TLL2: variants seen among roughly 807,000 people sequenced by gnomAD.
TLL2 encodes the protein tolloid-like protein 2.
In TLL2, 106 loss-of-function variants were observed where a neutral mutation model predicts 123.0. The ratio of observed to expected loss-of-function variants is 0.86; its 90% CI spans 0.74 to 1.01. The LOEUF is 1.01. Ranked by LOEUF, TLL2 falls within the 50% of genes least tolerant of loss-of-function variation. The probability of loss-of-function intolerance (pLI) is 0.00; values close to 1 mark genes in which losing one functional copy is unlikely to be tolerated. For synonymous variants in TLL2, 494 were observed against 516.8 expected (o/e 0.96, Z 0.60); for missense variants, 1,332 against 1,336.7 (o/e 1.00, Z 0.06).
Position 96,421,064 on chromosome 10 carries a change from G to A in TLL2, c.818-3C>T. 9.3e-6 allele frequency: 15 copies of A among 1,611,914 alleles called. No homozygotes were observed. The highest frequency in any genetic ancestry group is 1.3e-5 in the Non-Finnish European group (15 of 1,178,132). ...TTTTAAGAAATTATACTCCTGACCT[G>A]TGACACAACACTGTGTTAAGCCCTT... On this transcript the variant is annotated splice_region_variant and splice_polypyrimidine_tract_variant and intron_variant, in intron 6 of 20. Coordinates refer to ENST00000357947, the MANE Select transcript of TLL2 (RefSeq NM_012465.4).
intron 10 of TLL2, 27 bp from the exon 11 acceptor site, chr10:96,397,329 G>T (rs527332633): frequency 2.0e-5 from 32 of 1,579,574 alleles, no homozygotes; most frequent in Non-Finnish European, 2.7e-5. Context: ...GAAGCAGTTA[G>T]GAGCCCTGGG....
chr10:96,381,842 G>C lies in TLL2; in HGVS notation c.2194+2745C>G, dbSNP rs528714754. Among the ~76,000 whole-genome samples the C allele has an allele frequency of 6.6e-5, 10 of 151,934 alleles. No individual in the cohort carries two copies. The East Asian group carries it at 1.7e-3, about 26-fold the overall frequency. ...ACAAAAAACATGACTTGCTCAGTGA[G>C]AGACTGCCAAAAAAAAAATGCATGG... is the stretch of plus-strand genomic sequence containing the variant. On this transcript the variant is annotated intron_variant, in intron 16 of 20. Transcript: ENST00000357947.
chr10:96,449,959 C>T (rs2134089050), intron 2 of TLL2, among the ~76,000 whole-genome samples: 1 of 152,276 alleles, frequency 6.6e-6, no homozygotes, highest in Non-Finnish European at 1.5e-5. Flanking sequence ...GCCTTATTCA[C>T]CACCCTCTCC....
intron 2 of TLL2, among the ~76,000 whole-genome samples, chr10:96,470,061 A>G (rs983599350): frequency 6.6e-6 from 1 of 152,100 alleles, no homozygotes; most frequent in African/African-American, 2.4e-5. Flanking sequence ...GACCCCAGCA[A>G]GCTCTCCCCG....
chr10:96,368,065 T>C lies in TLL2; in HGVS notation c.*23A>G. 6.2e-7 allele frequency: 1 copy of C among 1,610,522 alleles called. No homozygotes were observed. The highest frequency in any genetic ancestry group is 8.5e-7 in the Non-Finnish European group (1 of 1,178,120). On this transcript the variant is annotated 3_prime_UTR_variant, in exon 21 of 21. Coordinates refer to ENST00000357947, the MANE Select transcript of TLL2 (RefSeq NM_012465.4). The stretch of plus-strand genomic sequence containing the variant: ...AACAAAACAAAAAAAATTCTCAGTT[T>C]CTGTCTTTCAAGAACATCAGCACTA...
chr10:96,393,481 T>C (rs914545225), intron 13 of TLL2, among the ~76,000 whole-genome samples: 5 of 152,354 alleles, frequency 3.3e-5, no homozygotes, highest in South Asian at 2.1e-4. Flanking sequence ...GACTGGAGCT[T>C]GTGCAACAGA....
At chr10:96,390,182 TG>T (rs1315017603) in intron 13 of TLL2, among the ~76,000 whole-genome samples, 7 of 152,328 alleles carry the variant, frequency 4.6e-5, no homozygotes, top group African/African-American at 1.4e-4. Flanking sequence ...AGTAGTTAGA[TG>T]ATGAGACGGC....
chr10:96,503,803 C>T (rs573185551), intron 1 of TLL2, among the ~76,000 whole-genome samples: 2 of 152,268 alleles, frequency 1.3e-5, no homozygotes, highest in African/African-American at 4.8e-5. Flanking sequence ...TGTCAGATTC[C>T]TAGACAAGGA....
At chr10:96,429,363 CA>C (rs35968467) in intron 4 of TLL2, among the ~76,000 whole-genome samples, 62 of 142,190 alleles carry the variant, frequency 4.4e-4, no homozygotes, top group Admixed American at 5.6e-4. Flanking sequence ...TAAATATTTT[CA>C]AAAAAAAAAA....
At chr10:96,432,052 G>T (rs1349834287) in intron 4 of TLL2, among the ~76,000 whole-genome samples, 1 of 152,078 alleles carries the variant, frequency 6.6e-6, no homozygotes, top group Non-Finnish European at 1.5e-5. Context: ...GGACAGTGGG[G>T]TACTTGAGGG....
Position 96,373,679 on chromosome 10 carries a change from ACC to A in TLL2, c.2577_2578del (p.Val860GlyfsTer36). 6.2e-7 allele frequency: 1 copy of A among 1,614,242 alleles called. No individual in the cohort carries two copies. Among genetic ancestry groups the A allele is most frequent in the Non-Finnish European group, 8.5e-7 (1 of 1,180,044 alleles). On this transcript the variant is annotated frameshift_variant, in exon 19 of 21. Transcript: ENST00000357947. LOFTEE classifies it high-confidence loss of function. ...GAGAAACATACTGCTGCCGGAAGCCACCGTGGGGTCTGGTTTCTTGCTGCCGC... is the reference window on the plus strand; with the variant it reads ...GAGAAACATACTGCTGCCGGAAGCCAGTGGGGTCTGGTTTCTTGCTGCCGC...
chr10:96,425,176 G>A (rs765618712), intron 5 of TLL2, among the ~76,000 whole-genome samples: 8 of 150,994 alleles, frequency 5.3e-5, no homozygotes, highest in Non-Finnish European at 8.9e-5. Flanking sequence ...GTTCCAAACT[G>A]TTTTGTTATT....
chr10:96,455,560 T>C (rs1445375816), intron 2 of TLL2, among the ~76,000 whole-genome samples: 1 of 151,364 alleles, frequency 6.6e-6, no homozygotes, highest in African/African-American at 2.5e-5. Context: ...GGCCCAAACC[T>C]ACCAAAACCA....
chr10:96,414,630 A>T lies in TLL2; in HGVS notation c.924-1314T>A, dbSNP rs563924119. Among the ~76,000 whole-genome samples the T allele has an allele frequency of 1.7e-3, 254 of 152,218 alleles. 1 individual carries two copies. Among genetic ancestry groups the T allele is most frequent in the African/African-American group, 5.9e-3 (243 of 41,526 alleles). On this transcript the variant is annotated intron_variant, in intron 7 of 20. Transcript: ENST00000357947. ...AACCATCATCTGCAGCCTCACAGCT[A>T]ATCCTCTGTTTCCAGCCCAGGATCC... is the stretch of plus-strand genomic sequence containing the variant.
intron 2 of TLL2, among the ~76,000 whole-genome samples, chr10:96,476,857 T>TAC (rs56240059): frequency 0.092 from 10,821 of 117,194 alleles, 442 homozygotes; most frequent in Non-Finnish European, 0.11. Context: ...CCTTTTATGT[T>TAC]ACACACACAC....
At chr10:96,474,596 G>A (rs190535710) in intron 2 of TLL2, among the ~76,000 whole-genome samples, 1 of 152,222 alleles carries the variant, frequency 6.6e-6, no homozygotes, top group African/African-American at 2.4e-5. Context: ...AGTGGGAAGA[G>A]AGGCTGGATA....
intron 3 of TLL2, among the ~76,000 whole-genome samples, chr10:96,436,483 A>G (rs1334549225): frequency 6.6e-6 from 1 of 151,944 alleles, no homozygotes; most frequent in Non-Finnish European, 1.5e-5. Context: ...TTTAAGGAAA[A>G]CCTCCAGAAC....
chr10:96,498,809 G>A (rs1847504914), intron 1 of TLL2, among the ~76,000 whole-genome samples: 2 of 152,322 alleles, frequency 1.3e-5, no homozygotes, highest in South Asian at 4.1e-4. Context: ...TGAGGACAAG[G>A]ACCTCAACTG....
intron 2 of TLL2, among the ~76,000 whole-genome samples, chr10:96,476,240 A>ATATATATTCTTTT: frequency 4.9e-5 from 1 of 20,502 alleles, no homozygotes; most frequent in African/African-American, 1.7e-4. Context: ...ATATATATAT[A>ATATATATTCTTTT]TTTTATTTTT....
Sources: allele counts gnomAD v4.1 joint callset (sites outside exome capture counted in the v4.1 genomes callset), GRCh38; gene constraint gnomAD v4.1.1; transcripts MANE v1.5; gene names NCBI Gene and HGNC (gene_info 2026-07-23, HGNC 2026-07-21).